GTF2F2: variants seen among roughly 807,000 people sequenced by gnomAD.
GTF2F2 encodes ATP-dependent helicase GTF2F2.
A neutral mutation model predicts 42.2 loss-of-function variants in GTF2F2; 23 were observed. The observed-to-expected ratio is 0.55, with a 90% CI of 0.39 to 0.77. The LOEUF is 0.77. GTF2F2 is among the 30% of genes least tolerant of loss of function. The pLI is 0.00. For missense variants in GTF2F2, 261 were observed against 287.2 expected, an observed-to-expected ratio of 0.91 and a Z score of 0.66; for synonymous variants, 105 against 100.8, an observed-to-expected ratio of 1.04 and a Z score of -0.25.
At chr13:45,168,924 C>G (rs71431326) in intron 4 of GTF2F2, among the ~76,000 whole-genome samples, 3 of 125,754 alleles carry the variant, frequency 2.4e-5, no homozygotes, top group East Asian at 2.7e-4. Flanking sequence ...CCTTCCCTCC[C>G]TCCCTCCTTC....
chr13:45,227,641 A>G (rs987489902), intron 5 of GTF2F2, among the ~76,000 whole-genome samples: 6 of 152,218 alleles, frequency 3.9e-5, no homozygotes, highest in Non-Finnish European at 8.8e-5. Context: ...AGTTTTTACT[A>G]ATGTATTTTA....
At chr13:45,251,159 T>C (rs1022226970) in intron 5 of GTF2F2, among the ~76,000 whole-genome samples, 11 of 152,132 alleles carry the variant, frequency 7.2e-5, no homozygotes, top group African/African-American at 2.7e-4. Context: ...TTGGTAAATA[T>C]CTTATATCTT....
chr13:45,149,631 A>T, intron 2 of GTF2F2, 139 bp from the exon 3 acceptor site: 1 of 732,738 alleles, frequency 1.4e-6, no homozygotes, highest in South Asian at 2.1e-5. Context: ...AGTTGTGGGG[A>T]GTCAAGGGTA....
intron 5 of GTF2F2, among the ~76,000 whole-genome samples, chr13:45,246,973 G>A (rs552471216): frequency 6.6e-6 from 1 of 151,170 alleles, no homozygotes; most frequent in East Asian, 2.0e-4. Context: ...GGGAGGCGGA[G>A]CTTGCAGTGA....
intron 4 of GTF2F2, among the ~76,000 whole-genome samples, chr13:45,191,218 AAAAAAAATATATATAT>A (rs1416831097): frequency 3.8e-5 from 3 of 78,142 alleles, no homozygotes; most frequent in African/African-American, 2.7e-4. Flanking sequence ...AAAAATACAA[AAAAAAAATATATATAT>A]ATATATATAT....
At chr13:45,282,094 G>A (rs1877291637) in intron 7 of GTF2F2, among the ~76,000 whole-genome samples, 1 of 152,102 alleles carries the variant, frequency 6.6e-6, no homozygotes, top group African/African-American at 2.4e-5. Flanking sequence ...CCAGCTACTT[G>A]GGAGGAGGCA....
chr13:45,201,596 G>A (rs1228400912), intron 4 of GTF2F2, among the ~76,000 whole-genome samples: 2 of 152,120 alleles, frequency 1.3e-5, no homozygotes, highest in African/African-American at 4.8e-5. Context: ...TATAGGATGT[G>A]CTTTATATAC....
chr13:45,194,735 C>G, intron 4 of GTF2F2: 1 of 632,408 alleles, frequency 1.6e-6, no homozygotes, highest in Non-Finnish European at 2.8e-6. Flanking sequence ...GGCGTATCAG[C>G]CTATGTATGC....
chr13:45,267,561 A>C lies in GTF2F2; in HGVS notation c.630+185A>C, dbSNP rs572040781. The stretch of plus-strand genomic sequence containing the variant: ...AACATCAGCTTTTATTTTACATTTT[A>C]GTACTCTTAATAATTATTTATGAAG... On this transcript the variant is annotated intron_variant, in intron 7 of 7. Transcript: ENST00000340473. Among the ~76,000 whole-genome samples, 376 of 152,302 alleles carry C rather than the reference A, an allele frequency of 2.5e-3. 1 individual carries two copies. Among genetic ancestry groups the C allele is most frequent in the African/African-American group, 8.1e-3 (335 of 41,564 alleles).
chr13:45,166,412 C>T (rs1451343202), intron 4 of GTF2F2, among the ~76,000 whole-genome samples: 2 of 152,160 alleles, frequency 1.3e-5, no homozygotes, highest in African/African-American at 4.8e-5. Context: ...AGACATGATG[C>T]AGTCTTTCTG....
intron 5 of GTF2F2, among the ~76,000 whole-genome samples, chr13:45,212,991 CT>C (rs1337398685): frequency 6.6e-6 from 1 of 152,138 alleles, no homozygotes; most frequent in African/African-American, 2.4e-5. Flanking sequence ...ATCCATCTGC[CT>C]CAGCCTCCCA....
At chr13:45,281,355 A>G (rs1279017776) in intron 7 of GTF2F2, among the ~76,000 whole-genome samples, 1 of 152,196 alleles carries the variant, frequency 6.6e-6, no homozygotes, top group African/African-American at 2.4e-5. Flanking sequence ...TTTCTAGGTG[A>G]CAACCTACCC....
At position 45,267,393 on chromosome 13, in the gene GTF2F2, A is replaced by G; in HGVS notation, c.630+17A>G. The G allele has an allele frequency of 6.5e-7, 1 of 1,530,490 alleles. No homozygotes were observed. Among genetic ancestry groups the G allele is most frequent in the East Asian group, 2.3e-5 (1 of 42,700 alleles). The allele number at this position is 1,530,490 out of a possible 1,614,324, so 94.8% of individuals were successfully genotyped here. On this transcript the variant is annotated intron_variant, in intron 7 of 7. Coordinates refer to ENST00000340473, the MANE Select transcript of GTF2F2 (RefSeq NM_004128.3). ...CAACCTGTGGTATGTATATGTTCAT[A>G]CTGATCCTTTGAATATGCCCTCCTT...
intron 5 of GTF2F2, among the ~76,000 whole-genome samples, chr13:45,231,465 C>G (rs1422488675): frequency 2.0e-5 from 3 of 152,060 alleles, no homozygotes; most frequent in Non-Finnish European, 4.4e-5. Context: ...CAGAAATTCT[C>G]TCACTTCTAT....
chr13:45,257,975 G>T (rs1011700651), intron 6 of GTF2F2, among the ~76,000 whole-genome samples: 1 of 152,136 alleles, frequency 6.6e-6, no homozygotes, highest in Non-Finnish European at 1.5e-5. Flanking sequence ...TTTCTGCAGA[G>T]AAACTGTCAA....
chr13:45,184,527 T>G (rs1872326675), intron 4 of GTF2F2, among the ~76,000 whole-genome samples: 1 of 151,990 alleles, frequency 6.6e-6, no homozygotes, highest in South Asian at 2.1e-4. Flanking sequence ...GTGCTGGGAT[T>G]ACCATGTGAG....
intron 5 of GTF2F2, among the ~76,000 whole-genome samples, chr13:45,218,695 A>G (rs1873985872): frequency 6.6e-6 from 1 of 152,228 alleles, no homozygotes; most frequent in South Asian, 2.1e-4. Context: ...AAGATACCAC[A>G]TGTTCTTTGT....
chr13:45,283,480 G>C lies in GTF2F2; in HGVS notation c.669G>C (p.Gln223His), dbSNP rs1877346901. The change falls in exon 8 of 8, where the codon CAG becomes CAC. Residue 223 changes from glutamine (Q) to histidine (H), a missense_variant. Coordinates refer to ENST00000340473, the MANE Select transcript of GTF2F2 (RefSeq NM_004128.3). ...LKEILKEIGV[Q>H]NVKGIHKNTW... ...AAATCTTAAAAGAAATTGGTGTTCA[G>C]AATGTAAAAGGGATCCACAAAAACA... 2 of 1,611,992 alleles carry C rather than the reference G, an allele frequency of 1.2e-6. No homozygotes were observed. Among genetic ancestry groups the C allele is most frequent in the Non-Finnish European group, 1.7e-6 (2 of 1,178,502 alleles).
chr13:45,227,404 T>G (rs1005390095), intron 5 of GTF2F2, among the ~76,000 whole-genome samples: 4 of 152,234 alleles, frequency 2.6e-5, no homozygotes, highest in Non-Finnish European at 5.9e-5. Flanking sequence ...AAATTCAGCA[T>G]TGAAGAACCT....
Sources: allele counts gnomAD v4.1 joint callset (sites outside exome capture counted in the v4.1 genomes callset), GRCh38; gene constraint gnomAD v4.1.1; transcripts MANE v1.5; gene names NCBI Gene and HGNC (gene_info 2026-07-23, HGNC 2026-07-21).